Variants in LNX1 observed in about 807,000 individuals in gnomAD.
The protein encoded by LNX1 is ligand of numb-protein X 1.
LNX1 carries 54 observed loss-of-function variants against 68.4 expected under a neutral mutation model. The ratio of observed to expected loss-of-function variants is 0.79; its 90% CI spans 0.63 to 0.99. The LOEUF (loss-of-function observed/expected upper bound fraction) is 0.99. LNX1 is among the 50% of genes least tolerant of loss of function. The pLI, the probability that LNX1 is intolerant of heterozygous loss-of-function variation, is 0.00. For synonymous variants in LNX1, 336 were observed against 350.0 expected, an observed-to-expected ratio of 0.96 and a Z score of 0.45; for missense variants, 906 against 926.4, an observed-to-expected ratio of 0.98 and a Z score of 0.29.
At chr4:53,608,914 C>T (rs2668515) in intron 2 of LNX1, among the ~76,000 whole-genome samples, 64,790 of 151,880 alleles carry the variant, frequency 0.43, 13,744 homozygotes, top group Admixed American at 0.45. Context: ...ATATTGAGTA[C>T]GTGTGTACAC....
intron 1 of LNX1, among the ~76,000 whole-genome samples, chr4:53,638,069 A>T (rs1382824143): frequency 6.6e-6 from 1 of 152,252 alleles, no homozygotes; most frequent in Non-Finnish European, 1.5e-5. Context: ...AGAGGGAAAT[A>T]TGAATGACCA....
At chr4:53,543,542 A>G (rs1433662956) in intron 2 of LNX1, among the ~76,000 whole-genome samples, 2 of 152,084 alleles carry the variant, frequency 1.3e-5, no homozygotes, top group East Asian at 1.9e-4. Context: ...AAAAAATCAC[A>G]CTATACAAAG....
At chr4:53,609,723 C>T (rs1407852807) in intron 2 of LNX1, among the ~76,000 whole-genome samples, 6 of 135,774 alleles carry the variant, frequency 4.4e-5, no homozygotes, top group African/African-American at 1.6e-4. Context: ...ATATATAGTA[C>T]AATATATAAT....
At chr4:53,553,986 C>T (rs375481245) in intron 2 of LNX1, among the ~76,000 whole-genome samples, 3 of 152,296 alleles carry the variant, frequency 2.0e-5, no homozygotes, top group South Asian at 2.1e-4. Flanking sequence ...GTAGCCAACC[C>T]GGAGGGTCAT....
chr4:53,493,301 C>G (rs6839922), intron 6 of LNX1, among the ~76,000 whole-genome samples: 65,059 of 152,094 alleles, frequency 0.43, 15,001 homozygotes, highest in African/African-American at 0.6. Context: ...TTTTGTTCCC[C>G]ACCTGCTCTA....
At chr4:53,531,660 C>T (rs1728029608) in intron 2 of LNX1, among the ~76,000 whole-genome samples, 1 of 152,208 alleles carries the variant, frequency 6.6e-6, no homozygotes, top group African/African-American at 2.4e-5. Context: ...TGGATGAACT[C>T]ATAATCGTGT....
intron 2 of LNX1, among the ~76,000 whole-genome samples, chr4:53,522,158 A>C (rs1476933181): frequency 6.6e-6 from 1 of 152,096 alleles, no homozygotes; most frequent in Non-Finnish European, 1.5e-5. Flanking sequence ...TTGCAGTCAG[A>C]CACATTGACA....
At chr4:53,469,518 C>CA (rs1722983194) in intron 9 of LNX1, among the ~76,000 whole-genome samples, 1 of 152,054 alleles carries the variant, frequency 6.6e-6, no homozygotes, top group African/African-American at 2.4e-5. Flanking sequence ...AATAGAGACA[C>CA]AAAAAACCCT....
At chr4:53,591,835 G>A (rs986666947), upstream of LNX1, 1 of 152,448 alleles carries the variant, frequency 6.6e-6, no homozygotes, top group African/African-American at 2.4e-5. Context: ...CCACAAAGGA[G>A]TTAAAAGGGA....
At chr4:53,585,594 C>A (rs1304901742) in intron 1 of LNX1, among the ~76,000 whole-genome samples, 2 of 152,114 alleles carry the variant, frequency 1.3e-5, no homozygotes, top group Non-Finnish European at 2.9e-5. Flanking sequence ...AATTCAATGA[C>A]AGATGTCCTT....
intron 9 of LNX1, 92 bp from the exon 10 acceptor site, chr4:53,461,685 C>G: frequency 1.0e-6 from 1 of 991,546 alleles, no homozygotes. Flanking sequence ...CTTTTGTTGG[C>G]ATTTTTAATG....
intron 2 of LNX1, among the ~76,000 whole-genome samples, chr4:53,611,160 A>G (rs1479200176): frequency 6.6e-6 from 1 of 152,154 alleles, no homozygotes; most frequent in African/African-American, 2.4e-5. Flanking sequence ...AAATAGGTGG[A>G]TCTACAAACA....
In LNX1 at chr4:53,554,554, T is replaced by C. The variant is rs1435270648; in HGVS notation, c.380+19069A>G. ...CTTTGTGTTATGCCCGAATGATACA[T>C]GTTTTAAAATAATTCCTGGCTGGGC... On this transcript the variant is annotated intron_variant, in intron 2 of 10. Transcript: ENST00000263925. Among the ~76,000 whole-genome samples, 8 of 152,218 alleles carry C rather than the reference T, an allele frequency of 5.3e-5. No homozygotes were observed. In the East Asian group the frequency reaches 1.2e-3, roughly 22 times the overall value.
At chr4:53,518,026 A>G (rs1463500317) in intron 2 of LNX1, among the ~76,000 whole-genome samples, 1 of 152,188 alleles carries the variant, frequency 6.6e-6, no homozygotes, top group Non-Finnish European at 1.5e-5. Context: ...AAATGTCCCT[A>G]GTCCTTCCAA....
intron 5 of LNX1, 33 bp from the exon 6 acceptor site, chr4:53,496,427 T>A (rs759497959): frequency 6.6e-7 from 1 of 1,506,358 alleles, no homozygotes. Flanking sequence ...TGCGGTCAGC[T>A]CCACCTGCCA....
intron 4 of LNX1, among the ~76,000 whole-genome samples, chr4:53,502,572 T>C (rs1725585211): frequency 6.6e-6 from 1 of 152,228 alleles, no homozygotes; most frequent in Admixed American, 6.5e-5. Flanking sequence ...CAGTGGTGGT[T>C]GCTGAAGGTT....
intron 2 of LNX1, among the ~76,000 whole-genome samples, chr4:53,555,793 T>C (rs2109719601): frequency 6.6e-6 from 1 of 152,322 alleles, no homozygotes; most frequent in African/African-American, 2.4e-5. Flanking sequence ...CCTGGCAAAG[T>C]ATGATTCCCT....
intron 2 of LNX1, among the ~76,000 whole-genome samples, chr4:53,610,838 G>C (rs1199044596): frequency 6.6e-6 from 1 of 151,530 alleles, no homozygotes; most frequent in Non-Finnish European, 1.5e-5. Flanking sequence ...TAAGTAATAG[G>C]ATATATAAAT....
At chr4:53,587,938 C>G (rs1247290805) in intron 1 of LNX1, among the ~76,000 whole-genome samples, 2 of 152,214 alleles carry the variant, frequency 1.3e-5, no homozygotes, top group Admixed American at 6.5e-5. Flanking sequence ...GGTTTTCCTC[C>G]TCTGCCTTTG....
Sources: allele counts gnomAD v4.1 joint callset (sites outside exome capture counted in the v4.1 genomes callset), GRCh38; gene constraint gnomAD v4.1.1; transcripts MANE v1.5; gene names NCBI Gene and HGNC (gene_info 2026-07-23, HGNC 2026-07-21).